Variants in SLCO4C1 observed in about 807,000 individuals in gnomAD.
SLCO4C1 encodes solute carrier organic anion transporter family member 4C1, also known as organic anion transporter M1.
SLCO4C1 carries 58 observed loss-of-function variants against 72.1 expected under a neutral mutation model. The ratio of observed to expected loss-of-function variants is 0.80; its 90% CI spans 0.65 to 1.00. SLCO4C1 has a LOEUF of 1.00. Ranked by LOEUF, SLCO4C1 falls within the 50% of genes least tolerant of loss-of-function variation. The probability of loss-of-function intolerance (pLI) is 0.00; values close to 1 mark genes in which losing one functional copy is unlikely to be tolerated. For missense variants in SLCO4C1, 898 were observed against 857.9 expected, an observed-to-expected ratio of 1.05 and a Z score of -0.58; for synonymous variants, 297 against 312.5, an observed-to-expected ratio of 0.95 and a Z score of 0.52.
At chr5:102,277,702 C>A (rs841920) in intron 2 of SLCO4C1, among the ~76,000 whole-genome samples, 119,440 of 151,248 alleles carry the variant, frequency 0.79, 47,448 homozygotes, top group African/African-American at 0.87. Flanking sequence ...CAAATAAGGC[C>A]TCACCCACCC....
chr5:102,283,732 A>G (rs182558032), intron 2 of SLCO4C1, among the ~76,000 whole-genome samples: 353 of 152,208 alleles, frequency 2.3e-3, no homozygotes, highest in Non-Finnish European at 3.8e-3. Flanking sequence ...CCATGAAAAG[A>G]GAATTGCTAA....
rs562435006 is a variant in SLCO4C1 at position 102,244,504 on chromosome 5, A to G, written c.1811+2748T>C. On this transcript the variant is annotated intron_variant, in intron 10 of 12. Coordinates refer to ENST00000310954, the MANE Select transcript of SLCO4C1 (RefSeq NM_180991.5). ...AAGATAATAACAGAGAACTTCCCAA[A>G]CCTAGAGAAAGATATCAATATCCAA... is the stretch of plus-strand genomic sequence containing the variant. Among the ~76,000 whole-genome samples, 15 of 152,306 alleles carry G rather than the reference A, an allele frequency of 9.8e-5. No homozygotes were observed. In the South Asian group the frequency reaches 1.0e-3, roughly 11 times the overall value.
At chr5:102,237,052 GT>G in intron 12 of SLCO4C1, 34 bp from the exon 13 acceptor site, 1 of 1,529,130 alleles carries the variant, frequency 6.5e-7, no homozygotes, top group African/African-American at 1.4e-5. Context: ...ATGTGCTTTT[GT>G]TTTTAATTAT....
rs1210738155 is a variant in SLCO4C1 at position 102,260,247 on chromosome 5, C to G, written c.1094G>C (p.Gly365Ala). ...QSNSNADVKF[G>A]KSIKDFPAAL... ...AGCTGGAAAATCTTTAATACTTTTT[C>G]CAAATTTCACATCTGCATTACTATT... is the stretch of plus-strand genomic sequence containing the variant. Residue 365 changes from glycine (G) to alanine (A), a missense_variant, in exon 6 of 13, where the codon GGA becomes GCA. Coordinates refer to ENST00000310954, the MANE Select transcript of SLCO4C1 (RefSeq NM_180991.5). 7.1e-7 allele frequency: 1 copy of G among 1,400,460 alleles called. No homozygotes were observed. Among genetic ancestry groups the G allele is most frequent in the East Asian group, 2.8e-5 (1 of 35,626 alleles). The allele number at this position is 1,400,460 out of a possible 1,614,324, so 86.8% of individuals were successfully genotyped here.
chr5:102,270,263 C>A (rs144961560), intron 3 of SLCO4C1, among the ~76,000 whole-genome samples: 1 of 152,066 alleles, frequency 6.6e-6, no homozygotes, highest in East Asian at 1.9e-4. Flanking sequence ...TGTCATAAAT[C>A]ACACAGAATG....
At chr5:102,293,338 GA>G (rs963097282) in intron 1 of SLCO4C1, among the ~76,000 whole-genome samples, 11 of 150,794 alleles carry the variant, frequency 7.3e-5, no homozygotes, top group Non-Finnish European at 1.6e-4. Flanking sequence ...ACTTCTCTTT[GA>G]AAAAAAAATT....
Position 102,257,926 on chromosome 5 carries a change from TAAAG to T in SLCO4C1, c.1273+13_1273+16del, listed in dbSNP as rs1748868124. The T allele has an allele frequency of 6.3e-7, 1 of 1,592,614 alleles. No individual in the cohort carries two copies. Among genetic ancestry groups the T allele is most frequent in the Non-Finnish European group, 8.5e-7 (1 of 1,173,576 alleles). Reference sequence around the variant, plus strand: ...GTAAAGTAAAATTTTTAGGTTAAGATAAAGAAAATGTTTTACCTCCAAGAGTAGC... The same window carrying T: ...GTAAAGTAAAATTTTTAGGTTAAGATAAAATGTTTTACCTCCAAGAGTAGC... On this transcript the variant is annotated intron_variant, in intron 7 of 12. Coordinates refer to ENST00000310954, the MANE Select transcript of SLCO4C1 (RefSeq NM_180991.5).
In SLCO4C1 at chr5:102,285,279, A is replaced by T. The variant is rs1027194715; in HGVS notation, c.619+6064T>A. Among the ~76,000 whole-genome samples the T allele has an allele frequency of 2.0e-3, 310 of 151,382 alleles. 4 individuals are homozygous for T. Among genetic ancestry groups the T allele is most frequent in the Non-Finnish European group, 1.6e-3 (108 of 67,744 alleles). On this transcript the variant is annotated intron_variant, in intron 2 of 12. Coordinates refer to ENST00000310954, the MANE Select transcript of SLCO4C1 (RefSeq NM_180991.5). ...TATATACACACACACACACATATAT[A>T]TTTTTTTTTGTTTGTTTGTTTTTGA...
intron 12 of SLCO4C1, 80 bp from the exon 13 acceptor site, chr5:102,237,098 TA>T: frequency 7.5e-7 from 1 of 1,332,562 alleles, no homozygotes; most frequent in Non-Finnish European, 1.0e-6. Flanking sequence ...TCTTCATGAA[TA>T]GAACATTTTT....
chr5:102,243,305 G>T (rs1748580397), intron 10 of SLCO4C1, among the ~76,000 whole-genome samples: 1 of 152,182 alleles, frequency 6.6e-6, no homozygotes, highest in Non-Finnish European at 1.5e-5. Flanking sequence ...AAGCGTGGCT[G>T]GCTTTCCCAC....
rs985015364 is a variant in SLCO4C1 at position 102,235,256 on chromosome 5, T to C, written c.*1602A>G. 6.6e-6 allele frequency: 1 copy of C among 152,222 alleles called. No homozygotes were observed. Among genetic ancestry groups the C allele is most frequent in the African/African-American group, 2.4e-5 (1 of 41,466 alleles). The allele number at this position is 152,222 out of a possible 1,614,324, so 9.4% of individuals were successfully genotyped here. A position where few individuals can be genotyped will look rare whatever the true frequency, so the allele number is the denominator to read the frequency against. ...CTTGTGTTATCCTGATTACAGTGTATATAAAACAATGCTTGTGGAAAATTA... is the reference window on the plus strand; with the variant it reads ...CTTGTGTTATCCTGATTACAGTGTACATAAAACAATGCTTGTGGAAAATTA... On this transcript the variant is annotated 3_prime_UTR_variant, in exon 13 of 13. Transcript: ENST00000310954.
At chr5:102,257,825 G>A in intron 7 of SLCO4C1, 118 bp downstream of exon 7, 1 of 913,940 alleles carries the variant, frequency 1.1e-6, no homozygotes, top group Non-Finnish European at 1.6e-6. Flanking sequence ...TCACCATGTT[G>A]GCCGGGCTGG....
intron 3 of SLCO4C1, among the ~76,000 whole-genome samples, chr5:102,264,597 C>T (rs1749000708): frequency 6.6e-6 from 1 of 152,006 alleles, no homozygotes; most frequent in African/African-American, 2.4e-5. Context: ...CACCCATCAC[C>T]TCATACATTT....
In SLCO4C1 at chr5:102,268,795, C is replaced by T. The variant is rs1580256422; in HGVS notation, c.802+1829G>A. 2.6e-5 allele frequency among the ~76,000 whole-genome samples: 4 copies of T among 152,170 alleles called. No individual in the cohort carries two copies. The South Asian group carries it at 8.3e-4, about 32-fold the overall frequency. On this transcript the variant is annotated intron_variant, in intron 3 of 12. Transcript: ENST00000310954. The stretch of plus-strand genomic sequence containing the variant: ...CAGGGTGGTAATTATTGTCCTTTTG[C>T]TTCCAGATGTAGAACTCCTTTAAGC...
chr5:102,249,122 A>AG (rs1035441325), intron 9 of SLCO4C1, among the ~76,000 whole-genome samples: 8 of 152,344 alleles, frequency 5.3e-5, no homozygotes, highest in African/African-American at 1.9e-4. Flanking sequence ...TTAAATAGTT[A>AG]GGGAAAAATA....
At chr5:102,248,172 G>A (rs1235086778) in intron 9 of SLCO4C1, among the ~76,000 whole-genome samples, 2 of 152,072 alleles carry the variant, frequency 1.3e-5, no homozygotes, top group Non-Finnish European at 1.5e-5. Flanking sequence ...GTCAGATTTT[G>A]TAGTTTGGGT....
At chr5:102,271,498 G>C (rs1317515554) in intron 2 of SLCO4C1, among the ~76,000 whole-genome samples, 1 of 151,576 alleles carries the variant, frequency 6.6e-6, no homozygotes, top group Admixed American at 6.6e-5. Context: ...TTTATATTTT[G>C]ATACTGCCAA....
At chr5:102,275,333 T>C (rs1381216664) in intron 2 of SLCO4C1, among the ~76,000 whole-genome samples, 1 of 151,848 alleles carries the variant, frequency 6.6e-6, no homozygotes. Context: ...AAAGAAGAAA[T>C]GTTAACATAA....
intron 2 of SLCO4C1, among the ~76,000 whole-genome samples, chr5:102,286,852 G>A (rs575738782): frequency 6.6e-6 from 1 of 151,870 alleles, no homozygotes; most frequent in East Asian, 1.9e-4. Flanking sequence ...TGTTCTTAAC[G>A]TTCTTTTGTG....
Sources: gnomAD v4.1 joint callset for allele counts (sites outside exome capture counted in the v4.1 genomes callset) on GRCh38, gnomAD v4.1.1 for gene constraint, MANE v1.5 for transcripts, NCBI Gene and HGNC (gene_info 2026-07-23, HGNC 2026-07-21) for gene names.